Variants in AK5 observed in about 807,000 individuals in gnomAD.
The protein encoded by AK5 is adenylate kinase 5.
In AK5, 27 loss-of-function variants were observed where a neutral mutation model predicts 69.5. The ratio of observed to expected loss-of-function variants is 0.39; its 90% CI spans 0.29 to 0.54. The LOEUF (loss-of-function observed/expected upper bound fraction) is 0.54, where lower values mean the gene tolerates loss of function less well. Ranked by LOEUF, AK5 falls within the 20% of genes least tolerant of loss-of-function variation. AK5 has a pLI of 0.71. For synonymous variants in AK5, 260 were observed against 244.4 expected, an observed-to-expected ratio of 1.06 and a Z score of -0.60; for missense variants, 531 against 700.4, an observed-to-expected ratio of 0.76 and a Z score of 2.73.
At chr1:77,523,971 T>C (rs527780336) in intron 12 of AK5, among the ~76,000 whole-genome samples, 1 of 152,148 alleles carries the variant, frequency 6.6e-6, no homozygotes. Flanking sequence ...TGCCTGAAAC[T>C]CTACCCTCTC....
chr1:77,296,646 C>T (rs1021863617), intron 3 of AK5, among the ~76,000 whole-genome samples: 18 of 152,170 alleles, frequency 1.2e-4, no homozygotes, highest in Admixed American at 3.3e-4. Context: ...AGGAATAAAT[C>T]AGTTTGAATT....
intron 12 of AK5, among the ~76,000 whole-genome samples, chr1:77,531,419 G>A (rs535900949): frequency 5.9e-5 from 9 of 152,228 alleles, no homozygotes; most frequent in African/African-American, 2.2e-4. Context: ...GTGCTGATTG[G>A]TGCGTTTACA....
At chr1:77,501,644 C>T (rs902813550) in intron 10 of AK5, among the ~76,000 whole-genome samples, 3 of 152,210 alleles carry the variant, frequency 2.0e-5, no homozygotes, top group Non-Finnish European at 4.4e-5. Flanking sequence ...TTATGCAGTT[C>T]ATCATTGAGC....
At chr1:77,405,148 A>G (rs1328249932) in intron 6 of AK5, among the ~76,000 whole-genome samples, 1 of 152,250 alleles carries the variant, frequency 6.6e-6, no homozygotes, top group East Asian at 1.9e-4. Context: ...TCAAAGAGAG[A>G]AATGAAAGTG....
intron 5 of AK5, among the ~76,000 whole-genome samples, chr1:77,318,719 T>C (rs1177337519): frequency 6.6e-6 from 1 of 151,966 alleles, no homozygotes; most frequent in Non-Finnish European, 1.5e-5. Flanking sequence ...AGTGGGTCTT[T>C]TTTTTTTTCT....
intron 6 of AK5, among the ~76,000 whole-genome samples, chr1:77,391,495 G>GTATGTGTATATA (rs1553144161): frequency 6.9e-4 from 44 of 63,394 alleles, no homozygotes; most frequent in African/African-American, 2.2e-3. Flanking sequence ...GTGTGTGTGT[G>GTATGTGTATATA]TATATATATA....
At chr1:77,415,539 T>A (rs751284715) in intron 7 of AK5, among the ~76,000 whole-genome samples, 1 of 152,218 alleles carries the variant, frequency 6.6e-6, no homozygotes, top group Non-Finnish European at 1.5e-5. Flanking sequence ...ATTTGTGTTA[T>A]CTTTAATGAT....
intron 12 of AK5, among the ~76,000 whole-genome samples, chr1:77,524,989 C>T (rs1222821268): frequency 6.6e-6 from 1 of 152,220 alleles, no homozygotes; most frequent in Non-Finnish European, 1.5e-5. Context: ...TCACTGCAAC[C>T]TCTACCTACC....
chr1:77,445,683 C>T (rs987050535), intron 8 of AK5, among the ~76,000 whole-genome samples: 8 of 152,184 alleles, frequency 5.3e-5, no homozygotes, highest in African/African-American at 1.9e-4. Context: ...CTCCCAGGTT[C>T]AAGCGATTCT....
intron 3 of AK5, among the ~76,000 whole-genome samples, chr1:77,294,342 G>C (rs11583735): frequency 0.44 from 66,510 of 151,882 alleles, 14,929 homozygotes; most frequent in Middle Eastern, 0.5. Flanking sequence ...TAGTAGGCAG[G>C]CTGAGCCAGG....
chr1:77,471,905 T>C (rs1654533113), intron 8 of AK5, among the ~76,000 whole-genome samples: 1 of 152,218 alleles, frequency 6.6e-6, no homozygotes, highest in Admixed American at 6.5e-5. Flanking sequence ...CTTAAGAGAA[T>C]GCTGAACTGG....
intron 8 of AK5, among the ~76,000 whole-genome samples, chr1:77,438,487 T>C (rs1172519998): frequency 2.0e-5 from 3 of 152,148 alleles, no homozygotes; most frequent in Non-Finnish European, 4.4e-5. Context: ...AAGAAATCTA[T>C]GCATTCTATC....
intron 8 of AK5, among the ~76,000 whole-genome samples, chr1:77,473,680 A>T (rs763959999): frequency 4.6e-5 from 7 of 152,234 alleles, no homozygotes; most frequent in South Asian, 2.1e-4. Flanking sequence ...CATCATTTAC[A>T]AATCTTTACT....
chr1:77,383,850 T>C (rs964019773), intron 6 of AK5, among the ~76,000 whole-genome samples: 11 of 152,126 alleles, frequency 7.2e-5, no homozygotes, highest in African/African-American at 2.7e-4. Context: ...TCTAGTTGAA[T>C]GAAACAGTTA....
chr1:77,506,216 TTTGGTTGGTTGG>T (rs60715102), intron 10 of AK5, among the ~76,000 whole-genome samples: 37 of 149,086 alleles, frequency 2.5e-4, no homozygotes, highest in African/African-American at 6.2e-4. Context: ...AGGATCGGTG[TTTGGTTGGTTGG>T]TTGGTTGGTT....
At chr1:77,331,469 A>T (rs1456013213) in intron 5 of AK5, among the ~76,000 whole-genome samples, 1 of 152,210 alleles carries the variant, frequency 6.6e-6, no homozygotes, top group Admixed American at 6.5e-5. Context: ...TTAATTTATT[A>T]AGATTATCAA....
At chr1:77,291,155 A>G (rs1386780025) in intron 2 of AK5, among the ~76,000 whole-genome samples, 1 of 152,222 alleles carries the variant, frequency 6.6e-6, no homozygotes, top group African/African-American at 2.4e-5. Flanking sequence ...GAGAAGTCCA[A>G]TATTGCTGGA....
intron 6 of AK5, among the ~76,000 whole-genome samples, chr1:77,358,054 C>T (rs1298298476): frequency 1.6e-5 from 2 of 126,698 alleles, no homozygotes; most frequent in Non-Finnish European, 3.5e-5. Flanking sequence ...AGAGATCAAG[C>T]GTGTGCTCAT....
In AK5 at chr1:77,297,680, A is replaced by G. The variant is rs143289456; in HGVS notation, c.537A>G (p.Lys179=). The part of the protein sequence containing the change: ...KKIHSTSSNR[K]WSLIAKIITT... ...TCCACAGTACCAGCAGCAATAGGAAATGGAGTCTTATTGCCAAGATAATTA... is the reference window on the plus strand; with the variant it reads ...TCCACAGTACCAGCAGCAATAGGAAGTGGAGTCTTATTGCCAAGATAATTA... The change falls in exon 4 of 14, where the codon AAA becomes AAG. Residue 179 remains lysine, a synonymous_variant. Transcript: ENST00000354567. 44 of 1,613,758 alleles carry G rather than the reference A, an allele frequency of 2.7e-5. No individual in the cohort carries two copies. The highest frequency in any genetic ancestry group is 4.5e-5 in the East Asian group (2 of 44,872).
Sources: allele counts gnomAD v4.1 joint callset (sites outside exome capture counted in the v4.1 genomes callset), GRCh38; gene constraint gnomAD v4.1.1; transcripts MANE v1.5; gene names NCBI Gene and HGNC (gene_info 2026-07-23, HGNC 2026-07-21).